NGLY1: variants seen among roughly 807,000 people sequenced by gnomAD.
NGLY1 encodes the protein peptide-N(4)-(N-acetyl-beta-glucosaminyl)asparagine amidase.
NGLY1 carries 68 observed loss-of-function variants against 84.6 expected under a neutral mutation model. That is an observed-to-expected ratio of 0.80 (90% CI 0.66 to 0.98). NGLY1 has a LOEUF of 0.98. Among genes scored for constraint, NGLY1 ranks in the 50% least tolerant of loss-of-function variants. NGLY1 has a pLI of 0.00. For missense variants in NGLY1, 779 were observed against 770.2 expected (o/e 1.01, Z -0.14); for synonymous variants, 280 against 275.2 (o/e 1.02, Z -0.17).
intron 4 of NGLY1, among the ~76,000 whole-genome samples, chr3:25,748,960 G>T (rs1342551264): frequency 6.6e-6 from 1 of 151,688 alleles, no homozygotes; most frequent in Non-Finnish European, 1.5e-5. Flanking sequence ...TTTCTCCAAA[G>T]AAGATATTCA....
chr3:25,727,130 G>A (rs1705305175), intron 10 of NGLY1, among the ~76,000 whole-genome samples: 1 of 152,064 alleles, frequency 6.6e-6, no homozygotes, highest in Admixed American at 6.6e-5. Context: ...TGATTTAGAT[G>A]GAATACTTAA....
intron 3 of NGLY1, among the ~76,000 whole-genome samples, chr3:25,759,194 T>A (rs974566662): frequency 1.3e-5 from 2 of 152,032 alleles, no homozygotes; most frequent in Admixed American, 1.3e-4. Context: ...AGCAGACACA[T>A]TGCCTCCATT....
intron 4 of NGLY1, among the ~76,000 whole-genome samples, chr3:25,744,154 C>T (rs1178790484): frequency 1.3e-5 from 2 of 152,186 alleles, no homozygotes; most frequent in Non-Finnish European, 2.9e-5. Flanking sequence ...CTTCAATATA[C>T]AAGAGAATGA....
intron 10 of NGLY1, among the ~76,000 whole-genome samples, chr3:25,721,348 C>G (rs1704978823): frequency 6.6e-6 from 1 of 152,174 alleles, no homozygotes; most frequent in South Asian, 2.1e-4. Context: ...GTGCCTGGCT[C>G]TGATCAGATT....
At chr3:25,774,730 A>G (rs557827161) in intron 2 of NGLY1, among the ~76,000 whole-genome samples, 1 of 152,174 alleles carries the variant, frequency 6.6e-6, no homozygotes, top group African/African-American at 2.4e-5. Context: ...TGAGAAAGCA[A>G]TCAGGGTTTT....
chr3:25,723,062 G>C (rs962237269), intron 10 of NGLY1, among the ~76,000 whole-genome samples: 2 of 152,154 alleles, frequency 1.3e-5, no homozygotes, highest in South Asian at 4.1e-4. Flanking sequence ...GAGCTCACTA[G>C]ATTCAAATGT....
At chr3:25,723,649 T>G (rs1178303898) in intron 10 of NGLY1, among the ~76,000 whole-genome samples, 3 of 152,156 alleles carry the variant, frequency 2.0e-5, no homozygotes, top group African/African-American at 4.8e-5. Flanking sequence ...AAGCAAACAT[T>G]CACTTGTTTA....
chr3:25,755,371 T>C lies in NGLY1; in HGVS notation c.493-4108A>G. On this transcript the variant is annotated intron_variant, in intron 3 of 11. Coordinates refer to ENST00000280700, the MANE Select transcript of NGLY1 (RefSeq NM_018297.4). ...TAGTTCTACGATTGACTGTTGGTGC[T>C]GTTAGTAGCAAACCTACCACTCCTA... 4 of 1,322,826 alleles carry C rather than the reference T, an allele frequency of 3.0e-6. No individual in the cohort carries two copies. The South Asian group carries it at 4.7e-5, about 16-fold the overall frequency. 81.9% of individuals were successfully genotyped at this position (1,322,826 alleles called of 1,614,324 possible).
chr3:25,741,327 A>G (rs1415556388), intron 4 of NGLY1, among the ~76,000 whole-genome samples: 1 of 152,072 alleles, frequency 6.6e-6, no homozygotes, highest in Non-Finnish European at 1.5e-5. Context: ...AATGAAACAA[A>G]AGAATTCTGA....
At chr3:25,770,172 CAG>C (rs1345758947) in intron 2 of NGLY1, among the ~76,000 whole-genome samples, 2 of 151,990 alleles carry the variant, frequency 1.3e-5, no homozygotes, top group Non-Finnish European at 2.9e-5. Context: ...TTGTTTGAGA[CAG>C]AGTTTTGCTC....
chr3:25,739,500 A>G lies in NGLY1; in HGVS notation c.881+77T>C, dbSNP rs544014972. ...TATATTTCTGATAATTAAATATTAA[A>G]AAGTTCATTTAGTAAAAACTCTCTT... On this transcript the variant is annotated intron_variant, in intron 5 of 11. Transcript: ENST00000280700. 7 of 1,360,150 alleles carry G rather than the reference A, an allele frequency of 5.1e-6. No homozygotes were observed. In the South Asian group the frequency reaches 9.3e-5, roughly 18 times the overall value. 84.3% of individuals were successfully genotyped at this position (1,360,150 alleles called of 1,614,324 possible). A position where few individuals can be genotyped will look rare whatever the true frequency, so the allele number is the denominator to read the frequency against.
intron 4 of NGLY1, among the ~76,000 whole-genome samples, chr3:25,747,989 A>T (rs1208469996): frequency 6.6e-6 from 1 of 152,168 alleles, no homozygotes; most frequent in Non-Finnish European, 1.5e-5. Context: ...TGGCTCTAGA[A>T]AAGATGGGAA....
intron 6 of NGLY1, 160 bp from the exon 7 acceptor site, chr3:25,736,309 C>T: frequency 6.4e-7 from 1 of 1,551,136 alleles, no homozygotes; most frequent in African/African-American, 1.4e-5. Flanking sequence ...TTTAGAATAC[C>T]TGTATTAATT....
At chr3:25,755,656 G>A in intron 3 of NGLY1, 1 of 1,488,732 alleles carries the variant, frequency 6.7e-7, no homozygotes, top group Non-Finnish European at 9.3e-7. Context: ...ACATGAAGAT[G>A]ATGATGACAA....
intron 8 of NGLY1, among the ~76,000 whole-genome samples, 193 bp from the exon 9 acceptor site, chr3:25,732,676 T>C (rs1343316677): frequency 6.6e-6 from 1 of 152,214 alleles, no homozygotes; most frequent in East Asian, 1.9e-4. Context: ...ATAAATTTTA[T>C]GTTGGGAAAT....
chr3:25,777,532 GT>G (rs1484663499), intron 2 of NGLY1, among the ~76,000 whole-genome samples: 2 of 151,832 alleles, frequency 1.3e-5, no homozygotes, highest in Non-Finnish European at 2.9e-5. Flanking sequence ...CTGTTTCACG[GT>G]TACTTCTGCT....
At chr3:25,755,301 A>G (rs1165941661) in intron 3 of NGLY1, 4 of 1,364,328 alleles carry the variant, frequency 2.9e-6, no homozygotes, top group East Asian at 2.3e-5. Flanking sequence ...GCTCCAAACT[A>G]TAGGCTGAAG....
intron 3 of NGLY1, among the ~76,000 whole-genome samples, chr3:25,757,163 A>T (rs1575642017): frequency 6.6e-6 from 1 of 152,248 alleles, no homozygotes; most frequent in Admixed American, 6.5e-5. Flanking sequence ...TCAGTTTTAA[A>T]GTTTTTTGAT....
At chr3:25,763,301 T>C (rs1707402356) in intron 3 of NGLY1, among the ~76,000 whole-genome samples, 1 of 152,194 alleles carries the variant, frequency 6.6e-6, no homozygotes, top group African/African-American at 2.4e-5. Context: ...TTTTAAACTA[T>C]AATACTGCAA....
Sources: allele counts gnomAD v4.1 joint callset (sites outside exome capture counted in the v4.1 genomes callset), GRCh38; gene constraint gnomAD v4.1.1; transcripts MANE v1.5; gene names NCBI Gene and HGNC (gene_info 2026-07-23, HGNC 2026-07-21).